Variants in TFE3 observed in about 807,000 individuals in gnomAD.
TFE3 encodes the protein transcription factor binding to IGHM enhancer 3.
Under a neutral mutation model 35.0 loss-of-function variants are expected in TFE3, and 5 were observed. That is an observed-to-expected ratio of 0.14 (90% CI 0.07 to 0.30). The LOEUF (loss-of-function observed/expected upper bound fraction) is 0.30, where lower values mean the gene tolerates loss of function less well. Ranked by LOEUF, TFE3 falls within the 10% of genes least tolerant of loss-of-function variation. The probability of loss-of-function intolerance (pLI) is 1.00; values close to 1 mark genes in which losing one functional copy is unlikely to be tolerated. For synonymous variants in TFE3, 211 were observed against 215.6 expected (o/e 0.98, Z 0.18); for missense variants, 374 against 496.6 (o/e 0.75, Z 2.35).
chrX:49,035,344 A>AATAAATAAATAAATAC (rs1360835589), intron 5 of TFE3, among the ~76,000 whole-genome samples: 1 of 106,008 alleles, frequency 9.4e-6, no homozygotes, highest in African/African-American at 3.4e-5. Context: ...TAAATAAATA[A>AATAAATAAATAAATAC]ATACAAATAA....
At chrX:49,043,038 G>A (rs1271301448) in intron 1 of TFE3, 73 bp downstream of exon 1, 1 of 955,684 alleles carries the variant, frequency 1.0e-6, no homozygotes, top group South Asian at 2.6e-5. Context: ...TCCCAGTCCG[G>A]GGCCCCCACT....
intron 8 of TFE3, 99 bp downstream of exon 8, chrX:49,033,366 G>T: frequency 1.3e-6 from 1 of 770,891 alleles, no homozygotes. Flanking sequence ...AGAAATGCCT[G>T]GGCCGAGACT....
At position 49,038,260 on chromosome X, in the gene TFE3, G is replaced by T; in HGVS notation, c.717C>A (p.Pro239=). 8.3e-7 allele frequency: 1 copy of T among 1,208,350 alleles called. No homozygotes were observed. The highest frequency in any genetic ancestry group is 1.1e-6 in the Non-Finnish European group (1 of 894,270). The change falls in exon 4 of 10, where the codon CCC becomes CCA. Residue 239 remains proline, a synonymous_variant. Coordinates refer to ENST00000315869, the MANE Select transcript of TFE3 (RefSeq NM_006521.6). The part of the protein sequence containing the change: ...PAPEAAHTTG[P]TGSAPNSPMA... ...TGGGGCTGTTGGGCGCACTGCCTGT[G>T]GGGCCGGTAGTGTGGGCAGCCTCAG...
chrX:49,042,598 T>A (rs782402838), intron 1 of TFE3, among the ~76,000 whole-genome samples: 30 of 111,413 alleles, frequency 2.7e-4, no homozygotes, highest in African/African-American at 9.8e-4. Context: ...CAGATTCATG[T>A]TATCCCCAAA....
At position 49,029,812 on chromosome X, in the gene TFE3, G is replaced by A. The variant is rs781810957; in HGVS notation, c.*346C>T. 3 of 474,092 alleles carry A rather than the reference G, an allele frequency of 6.3e-6. No individual in the cohort carries two copies. Among genetic ancestry groups the A allele is most frequent in the Non-Finnish European group, 1.2e-5 (3 of 254,571 alleles). The allele number at this position is 474,092 out of a possible 1,213,427, so 39.1% of individuals were successfully genotyped here. A position where few individuals can be genotyped will look rare whatever the true frequency, so the allele number is the denominator to read the frequency against. ...GGCTAGGACAGTCCCTAGGGGACAG[G>A]GTCGAGACCTCATCCTGTCTCCTTC... is the stretch of plus-strand genomic sequence containing the variant. On this transcript the variant is annotated 3_prime_UTR_variant, in exon 10 of 10. Coordinates refer to ENST00000315869, the MANE Select transcript of TFE3 (RefSeq NM_006521.6).
Position 49,038,267 on chromosome X carries a change from G to A in TFE3, c.710C>T (p.Thr237Ile). The A allele has an allele frequency of 8.3e-7, 1 of 1,208,459 alleles. No individual in the cohort carries two copies. Among genetic ancestry groups the A allele is most frequent in the Non-Finnish European group, 1.1e-6 (1 of 894,328 alleles). Residue 237 changes from threonine to isoleucine, a missense_variant, in exon 4 of 10, where the codon ACC (threonine) becomes ATC (isoleucine). Thr to Ile is a moderately conservative substitution (Grantham distance 89). This residue lies in a region of TFE3 where 167 missense variants were observed against 297.2 expected (regional missense o/e 0.56). Transcript: ENST00000315869. ...GTTGGGCGCACTGCCTGTGGGGCCG[G>A]TAGTGTGGGCAGCCTCAGGGGCAGG... ...PLPAPEAAHT[T>I]GPTGSAPNSP...
chrX:49,036,766 C>T (rs969417442), intron 5 of TFE3, among the ~76,000 whole-genome samples: 39 of 111,309 alleles, frequency 3.5e-4, no homozygotes, highest in Admixed American at 2.9e-3. Context: ...AGCACCATTG[C>T]GCTCCAGCCT....
At position 49,038,397 on chromosome X, in the gene TFE3, C is replaced by A; in HGVS notation, c.580G>T (p.Ala194Ser). ...ENPTRYHLQQ[A>S]RRQQVKQYLS... is the part of the protein sequence containing the mutation. ...TACTGTTTCACCTGCTGCCGGCGCG[C>A]CTGCTGCAGGTGGTAGCGCGTTGGG... is the stretch of plus-strand genomic sequence containing the variant. Residue 194 changes from alanine to serine, a missense_variant, in exon 4 of 10, where the codon GCG (alanine) becomes TCG (serine). Around this residue, in one of 3 missense-constraint regions of TFE3, gnomAD observed 167 missense variants for 297.2 expected, o/e 0.56. Coordinates refer to ENST00000315869, the MANE Select transcript of TFE3 (RefSeq NM_006521.6). 1 of 1,203,231 alleles carries A rather than the reference C, an allele frequency of 8.3e-7. No homozygotes were observed. The highest frequency in any genetic ancestry group is 1.1e-6 in the Non-Finnish European group (1 of 893,703).
chrX:49,034,282 T>C, intron 5 of TFE3, 31 bp from the exon 6 acceptor site: 1 of 964,341 alleles, frequency 1.0e-6, no homozygotes, highest in South Asian at 2.1e-5. Flanking sequence ...GAACCACCAG[T>C]TGGGAACAAA....
At chrX:49,036,296 C>T (rs1217075494) in intron 5 of TFE3, among the ~76,000 whole-genome samples, 3 of 107,468 alleles carry the variant, frequency 2.8e-5, no homozygotes, top group South Asian at 4.2e-4. Context: ...AGTGAAACCC[C>T]GTCTCTACTA....
At chrX:49,033,882 C>G (rs1451181246) in intron 6 of TFE3, 100 bp from the exon 7 acceptor site, 2 of 974,057 alleles carry the variant, frequency 2.1e-6, no homozygotes, top group African/African-American at 3.8e-5. Flanking sequence ...AGGGGAAATG[C>G]CTTTTTTAAA....
At chrX:49,035,580 C>T (rs1557074594) in intron 5 of TFE3, among the ~76,000 whole-genome samples, 1 of 102,776 alleles carries the variant, frequency 9.7e-6, no homozygotes, top group Non-Finnish European at 2.0e-5. Flanking sequence ...CTAATTTTTT[C>T]GTATTTTTAG....
At chrX:49,037,281 A>T (rs1452898338) in intron 5 of TFE3, among the ~76,000 whole-genome samples, 1 of 112,278 alleles carries the variant, frequency 8.9e-6, no homozygotes, top group African/African-American at 3.2e-5. Flanking sequence ...AGGGTGACAG[A>T]GTGAGACTCT....
rs149649619 is a variant in TFE3, at chrX:49,030,447, C to T, written c.1439G>A (p.Gly480Glu). ...GRPGAATFHVGGGPAQNAPHQ... is the reference protein window; with the variant it reads ...GRPGAATFHVEGGPAQNAPHQ... ...GGGAGCATTCTGGGCAGGTCCCCCC[C>T]CTACATGGAACGTTGCTGCGCCTGG... Residue 480 changes from glycine to glutamate, a missense_variant, in exon 10 of 10, where the codon GGG becomes GAG. Around this residue, in one of 3 missense-constraint regions of TFE3, gnomAD observed 117 missense variants for 111.9 expected, o/e 1.05. Coordinates refer to ENST00000315869, the MANE Select transcript of TFE3 (RefSeq NM_006521.6). 2.5e-5 allele frequency: 30 copies of T among 1,209,525 alleles called. No homozygotes were observed. Among genetic ancestry groups the T allele is most frequent in the Admixed American group, 1.8e-4 (8 of 45,635 alleles).
intron 1 of TFE3, among the ~76,000 whole-genome samples, chrX:49,042,688 G>A (rs2064766222): frequency 9.0e-6 from 1 of 110,984 alleles, no homozygotes; most frequent in South Asian, 3.8e-4. Context: ...CCACACTGAG[G>A]GAAAAAAGAT....
Position 49,038,517 on chromosome X carries a change from AGCCT to A in TFE3, c.535-79_535-76del. ...CTCAAAGGGGTGAATTCTGAGCCCC[AGCCT>A]GACCCTCCTAACTCATTGGTGCCTA... On this transcript the variant is annotated intron_variant, in intron 3 of 9. Transcript: ENST00000315869. 2.7e-6 allele frequency: 3 copies of A among 1,121,871 alleles called. No individual in the cohort carries two copies. In the South Asian group the frequency reaches 6.0e-5, roughly 22 times the overall value. 92.5% of individuals were successfully genotyped at this position (1,121,871 alleles called of 1,213,427 possible). A position where few individuals can be genotyped will look rare whatever the true frequency, so the allele number is the denominator to read the frequency against.
chrX:49,042,572 T>C (rs782378550), intron 1 of TFE3, among the ~76,000 whole-genome samples: 3 of 111,327 alleles, frequency 2.7e-5, no homozygotes, highest in Non-Finnish European at 5.7e-5. Flanking sequence ...ATATCTGAGA[T>C]ACCTCCAAAT....
intron 2 of TFE3, chrX:49,039,850 T>C (rs1823327517): frequency 8.6e-6 from 1 of 116,253 alleles, no homozygotes; most frequent in South Asian, 3.6e-4. Context: ...GGGCGTCAGG[T>C]GATAGGAGAA....
intron 3 of TFE3, 84 bp from the exon 4 acceptor site, chrX:49,038,526 C>G (rs782458928): frequency 9.1e-7 from 1 of 1,099,884 alleles, no homozygotes; most frequent in South Asian, 2.1e-5. Flanking sequence ...CAGCCTGACC[C>G]TCCTAACTCA....
Sources: allele counts gnomAD v4.1 joint callset (sites outside exome capture counted in the v4.1 genomes callset), GRCh38; gene constraint gnomAD v4.1.1; regional missense constraint gnomAD v4.1.1; transcripts MANE v1.5; gene names NCBI Gene and HGNC (gene_info 2026-07-23, HGNC 2026-07-21).